Variants in TRMT44 observed in about 807,000 individuals in gnomAD.
TRMT44 encodes tRNA methyltransferase 44 homolog.
A neutral mutation model predicts 77.3 loss-of-function variants in TRMT44; 78 were observed. The observed-to-expected ratio is 1.01, with a 90% CI of 0.84 to 1.22. The LOEUF (loss-of-function observed/expected upper bound fraction) is 1.22. TRMT44 is among the 50% of genes most tolerant of loss of function. The probability of loss-of-function intolerance (pLI) is 0.00; values close to 1 mark genes in which losing one functional copy is unlikely to be tolerated. For synonymous variants in TRMT44, 391 were observed against 383.3 expected (o/e 1.02, Z -0.23); for missense variants, 1,090 against 964.4 (o/e 1.13, Z -1.73).
downstream of TRMT44, among the ~76,000 whole-genome samples, chr4:8,498,421 T>C (rs1289135299): frequency 6.6e-6 from 1 of 152,184 alleles, no homozygotes; most frequent in Non-Finnish European, 1.5e-5. This position sits in a 1 kb window ranked among gnomAD's most constrained non-coding sequence, Gnocchi z 4.3. Flanking sequence ...TTCTGCAGGC[T>C]GTCTAGGGAG....
At chr4:8,507,697 A>G in the TRMT44 span, among the ~76,000 whole-genome samples, 1 of 152,184 alleles carries the variant, frequency 6.6e-6, no homozygotes, top group Non-Finnish European at 1.5e-5. Flanking sequence ...GCCCCTGGTC[A>G]CCTGGAGGCA....
At chr4:8,468,802 G>C (rs139315956) in intron 9 of TRMT44, among the ~76,000 whole-genome samples, 1 of 152,216 alleles carries the variant, frequency 6.6e-6, no homozygotes, top group African/African-American at 2.4e-5. Flanking sequence ...TACATCGATT[G>C]TTCTCATGGG....
chr4:8,467,191 G>A (rs1461937886), intron 8 of TRMT44, among the ~76,000 whole-genome samples: 1 of 152,218 alleles, frequency 6.6e-6, no homozygotes, highest in Non-Finnish European at 1.5e-5. Context: ...GCAAGGTGGG[G>A]ACAAAGCTGC....
Position 8,446,843 on chromosome 4 carries a change from C to T in TRMT44, c.734+253C>T, listed in dbSNP as rs928577349. The stretch of plus-strand genomic sequence containing the variant: ...TCCCTGTGGCTGTGATGATCAGCAG[C>T]CCTTAGCATTAGCTCTGAAGTCAAA... On this transcript the variant is annotated intron_variant, in intron 2 of 10. Transcript: ENST00000389737. The surrounding 1 kb of genome is among the most constrained non-coding windows in gnomAD (Gnocchi z 4.3). 5.9e-5 allele frequency among the ~76,000 whole-genome samples: 9 copies of T among 151,980 alleles called. No homozygotes were observed. The highest frequency in any genetic ancestry group is 2.2e-4 in the African/African-American group (9 of 41,358).
intron 10 of TRMT44, among the ~76,000 whole-genome samples, chr4:8,474,689 C>G (rs891880611): frequency 3.9e-5 from 6 of 152,212 alleles, no homozygotes; most frequent in Non-Finnish European, 8.8e-5. Context: ...CTTTATTCCC[C>G]CGAGCCTTCT....
rs1218437630 is a variant in TRMT44 at position 8,489,456 on chromosome 4, T to TTTTCGTTTTG, written n.3892-3806_3892-3797dup. 2.2e-5 allele frequency among the ~76,000 whole-genome samples: 3 copies of TTTTCGTTTTG among 136,984 alleles called. No individual in the cohort carries two copies. In the East Asian group the frequency reaches 6.5e-4, roughly 30 times the overall value. The allele number at this position is 136,984 out of a possible 152,430, so 89.9% of individuals were successfully genotyped here. A position where few individuals can be genotyped will look rare whatever the true frequency, so the allele number is the denominator to read the frequency against. The stretch of plus-strand genomic sequence containing the variant: ...CTTTGGAAGACAGGCTGTAGTTTTG[T>TTTTCGTTTTG]TTTCGTTTTGTTTTGTTTTGTTTTG... On this transcript the variant is annotated intron_variant and non_coding_transcript_variant, in intron 2 of 2. Coordinates refer to the TRMT44 transcript ENST00000511366.
chr4:8,501,236 G>A, the TRMT44 span, among the ~76,000 whole-genome samples: 92 of 152,328 alleles, frequency 6.0e-4, 1 homozygote, highest in South Asian at 0.017. This position sits in a 1 kb window ranked among gnomAD's most constrained non-coding sequence, Gnocchi z 4.4. Context: ...GGCCTGTGGT[G>A]GAGCTGGCAG....
chr4:8,465,704 C>G (rs1726493285), intron 8 of TRMT44, 143 bp downstream of exon 8: 2 of 739,112 alleles, frequency 2.7e-6, no homozygotes, highest in African/African-American at 1.8e-5. Context: ...GCCTCTGTCA[C>G]TGATGAGGCC....
Position 8,444,556 on chromosome 4 carries a change from C to G in TRMT44, c.620-1920C>G, listed in dbSNP as rs1378955704. Among the ~76,000 whole-genome samples, 2 of 152,144 alleles carry G rather than the reference C, an allele frequency of 1.3e-5. No individual in the cohort carries two copies. Among genetic ancestry groups the G allele is most frequent in the Non-Finnish European group, 2.9e-5 (2 of 68,034 alleles). On this transcript the variant is annotated intron_variant, in intron 1 of 10. Transcript: ENST00000389737. This position sits in a 1 kb window ranked among gnomAD's most constrained non-coding sequence, Gnocchi z 4.0. ...GGGATTACAGGCATGTGCCACGACG[C>G]CCAGCTAATTTTTGTATTTTTCGTA... is the stretch of plus-strand genomic sequence containing the variant.
chr4:8,501,264 C>G, the TRMT44 span, among the ~76,000 whole-genome samples: 13 of 152,324 alleles, frequency 8.5e-5, no homozygotes, highest in African/African-American at 3.1e-4. The surrounding 1 kb of genome is among the most constrained non-coding windows in gnomAD (Gnocchi z 4.4). Context: ...GAGGGGACCC[C>G]TGGTCCATCG....
intron 2 of TRMT44, among the ~76,000 whole-genome samples, chr4:8,491,198 C>G (rs1727991978): frequency 6.6e-6 from 1 of 152,012 alleles, no homozygotes; most frequent in Non-Finnish European, 1.5e-5. Flanking sequence ...CTCCAAGGCC[C>G]CACCAGAGCA....
chr4:8,505,303 T>C, the TRMT44 span, among the ~76,000 whole-genome samples: 3 of 152,188 alleles, frequency 2.0e-5, no homozygotes, highest in Admixed American at 2.0e-4. Flanking sequence ...CATCTCTGCC[T>C]GTGGGAAGTC....
At chr4:8,511,908 G>A in the TRMT44 span, 3 of 152,338 alleles carry the variant, frequency 2.0e-5, no homozygotes, top group African/African-American at 4.8e-5. Flanking sequence ...TTCAAAGATA[G>A]TCAATGATCG....
chr4:8,467,881 C>A, intron 8 of TRMT44, 33 bp from the exon 9 acceptor site: 2 of 1,559,810 alleles, frequency 1.3e-6, no homozygotes, highest in Non-Finnish European at 1.7e-6. Context: ...GACTAGCCAG[C>A]TAAAATACTT....
chr4:8,516,679 G>T, the TRMT44 span, among the ~76,000 whole-genome samples: 4 of 152,188 alleles, frequency 2.6e-5, no homozygotes, highest in South Asian at 4.1e-4. Flanking sequence ...TACTCAGGAG[G>T]CTGAGGCAGA....
In TRMT44 at chr4:8,463,846, C is replaced by T. The variant is rs972804606; in HGVS notation, c.1204-139C>T. 6.9e-5 allele frequency: 47 copies of T among 683,180 alleles called. 1 individual carries two copies. Among genetic ancestry groups the T allele is most frequent in the Admixed American group, 4.1e-4 (15 of 36,288 alleles). 42.3% of individuals were successfully genotyped at this position (683,180 alleles called of 1,614,324 possible). On this transcript the variant is annotated intron_variant, in intron 6 of 10. Coordinates refer to ENST00000389737, the MANE Select transcript of TRMT44 (RefSeq NM_152544.3). Reference sequence around the variant, plus strand: ...ATACATTGACTTCCCCGCTCTTCCCCGCTCTTGGTCATGCAGCAGGTGAAC... The same window carrying T: ...ATACATTGACTTCCCCGCTCTTCCCTGCTCTTGGTCATGCAGCAGGTGAAC...
chr4:8,469,179 G>A (rs2109171116), intron 9 of TRMT44, among the ~76,000 whole-genome samples: 1 of 152,340 alleles, frequency 6.6e-6, no homozygotes, highest in Non-Finnish European at 1.5e-5. Flanking sequence ...GGATGGGACC[G>A]GGCCATGGAG....
At chr4:8,442,561 T>G (rs1298581864) in intron 1 of TRMT44, among the ~76,000 whole-genome samples, 1 of 152,252 alleles carries the variant, frequency 6.6e-6, no homozygotes, top group Admixed American at 6.5e-5. Flanking sequence ...CTCTGCTGGT[T>G]TCTCCGCTGT....
At chr4:8,504,058 T>TC in the TRMT44 span, among the ~76,000 whole-genome samples, 1 of 151,658 alleles carries the variant, frequency 6.6e-6, no homozygotes, top group African/African-American at 2.4e-5. This position sits in a 1 kb window ranked among gnomAD's most constrained non-coding sequence, Gnocchi z 5.3. Context: ...CTGCTCCCCC[T>TC]CCAGCCTCTG....
Sources: gnomAD v4.1 joint callset for allele counts (sites outside exome capture counted in the v4.1 genomes callset) on GRCh38, gnomAD v4.1.1 for gene constraint, Gnocchi (gnomAD v3.1) non-coding constraint, MANE v1.5 for transcripts, NCBI Gene and HGNC (gene_info 2026-07-23, HGNC 2026-07-21) for gene names.